ADGRE2: variants seen among roughly 807,000 people sequenced by gnomAD.
ADGRE2 encodes CD97 antigen.
Under a neutral mutation model 100.8 loss-of-function variants are expected in ADGRE2, and 83 were observed. The observed-to-expected ratio is 0.82, with a 90% CI of 0.69 to 0.99. ADGRE2 has a LOEUF of 0.99. ADGRE2 is among the 50% of genes least tolerant of loss of function. ADGRE2 has a pLI of 0.00. For synonymous variants in ADGRE2, 355 were observed against 413.0 expected, an observed-to-expected ratio of 0.86 and a Z score of 1.70; for missense variants, 814 against 1,035.7, an observed-to-expected ratio of 0.79 and a Z score of 2.94.
Position 14,746,328 on chromosome 19 carries a change from A to G in ADGRE2, c.2092-5T>C. 1.3e-6 allele frequency: 2 copies of G among 1,525,134 alleles called. No individual in the cohort carries two copies. The highest frequency in any genetic ancestry group is 1.8e-6 in the Non-Finnish European group (2 of 1,103,026). 94.5% of individuals were successfully genotyped at this position (1,525,134 alleles called of 1,614,324 possible). Reference sequence around the variant, plus strand: ...CAGAAAGAGAACTAAATTCACCTTCAGAAAACCACAGAAGATTTGTTGAAT... The same window carrying G: ...CAGAAAGAGAACTAAATTCACCTTCGGAAAACCACAGAAGATTTGTTGAAT... On this transcript the variant is annotated splice_region_variant and splice_polypyrimidine_tract_variant and intron_variant, in intron 17 of 20. Coordinates refer to ENST00000315576, the MANE Select transcript of ADGRE2 (RefSeq NM_013447.4).
chr19:14,746,471 C>T (rs922708684), intron 17 of ADGRE2, 148 bp from the exon 18 acceptor site: 8 of 593,680 alleles, frequency 1.3e-5, no homozygotes, highest in East Asian at 3.0e-5. Flanking sequence ...CTCCCGGGTT[C>T]GAGCGATTCT....
intron 2 of ADGRE2, among the ~76,000 whole-genome samples, chr19:14,775,107 G>T (rs1268694221): frequency 1.3e-5 from 2 of 151,200 alleles, no homozygotes; most frequent in Non-Finnish European, 2.9e-5. Flanking sequence ...GGTTCAAGCG[G>T]TTCTCCTGCC....
Position 14,735,007 on chromosome 19 carries a change from T to A in ADGRE2, c.*1229A>T, listed in dbSNP as rs554740226. The A allele has an allele frequency of 6.6e-6, 1 of 152,300 alleles. No individual in the cohort carries two copies. The highest frequency in any genetic ancestry group is 1.9e-4 in the East Asian group (1 of 5,186). 9.4% of individuals were successfully genotyped at this position (152,300 alleles called of 1,614,324 possible). ...AAGAGAAGGGAACTTGGAGCCGCCA[T>A]TTTGGACATGCCTAGTCTAGGTAGC... On this transcript the variant is annotated 3_prime_UTR_variant, in exon 21 of 21. Coordinates refer to ENST00000315576, the MANE Select transcript of ADGRE2 (RefSeq NM_013447.4).
intron 4 of ADGRE2, among the ~76,000 whole-genome samples, chr19:14,773,099 C>CA (rs1231448957): frequency 0.014 from 1,007 of 71,938 alleles, 17 homozygotes; most frequent in Admixed American, 0.044. Context: ...AAAAAAAAAA[C>CA]AAAAAAAAAA....
In ADGRE2 at chr19:14,776,780, G is replaced by C. The variant is rs770801424; in HGVS notation, c.-24C>G. ...ATGGTTCCAGCTGAGCTGCCGGCAG[G>C]AGCAGCAGGGGAAAGAGTGAGTGGG... On this transcript the variant is annotated 5_prime_UTR_variant, in exon 2 of 21. Transcript: ENST00000315576. 2 of 1,612,802 alleles carry C rather than the reference G, an allele frequency of 1.2e-6. No individual in the cohort carries two copies. The highest frequency in any genetic ancestry group is 1.7e-6 in the Non-Finnish European group (2 of 1,179,566).
intron 18 of ADGRE2, among the ~76,000 whole-genome samples, chr19:14,744,537 C>A (rs946549475): frequency 6.6e-6 from 1 of 151,980 alleles, no homozygotes; most frequent in African/African-American, 2.4e-5. Flanking sequence ...CTCACTGCAA[C>A]CTCTGCCTCC....
intron 16 of ADGRE2, 34 bp from the exon 17 acceptor site, chr19:14,746,996 T>G: frequency 6.4e-7 from 1 of 1,560,904 alleles, no homozygotes; most frequent in Non-Finnish European, 8.8e-7. Flanking sequence ...AATGCATCAG[T>G]TTTTGGAGAT....
At chr19:14,750,114 A>G (rs2043234651) in intron 16 of ADGRE2, among the ~76,000 whole-genome samples, 1 of 130,618 alleles carries the variant, frequency 7.7e-6, no homozygotes, top group Non-Finnish European at 1.6e-5. Flanking sequence ...ATAGTTACAT[A>G]ATTATTTATA....
chr19:14,739,926 C>A (rs1473453062), intron 20 of ADGRE2, among the ~76,000 whole-genome samples: 2 of 151,940 alleles, frequency 1.3e-5, no homozygotes, highest in African/African-American at 4.8e-5. Context: ...CATGGTGAAA[C>A]CCTGTCTCTA....
At chr19:14,760,097 C>A (rs182529398) in intron 11 of ADGRE2, among the ~76,000 whole-genome samples, 1 of 152,050 alleles carries the variant, frequency 6.6e-6, no homozygotes, top group Non-Finnish European at 1.5e-5. Flanking sequence ...GGATTACAGG[C>A]GTGAGCCACC....
At chr19:14,746,742 G>A (rs916498103) in intron 17 of ADGRE2, among the ~76,000 whole-genome samples, 154 bp downstream of exon 17, 17 of 152,178 alleles carry the variant, frequency 1.1e-4, no homozygotes, top group African/African-American at 4.1e-4. Flanking sequence ...TTGAGTAACA[G>A]TGTTGAGTTT....
the ADGRE2 span, among the ~76,000 whole-genome samples, chr19:14,725,893 G>A: frequency 6.6e-6 from 1 of 152,204 alleles, no homozygotes; most frequent in Non-Finnish European, 1.5e-5. Flanking sequence ...TCTGGGGTCT[G>A]GAGGGAGGTG....
chr19:14,729,372 G>GT (rs1000608711), downstream of ADGRE2, among the ~76,000 whole-genome samples: 2 of 148,986 alleles, frequency 1.3e-5, no homozygotes, highest in African/African-American at 2.5e-5. Context: ...TTTTTTTTTT[G>GT]TTTTTTGAGA....
chr19:14,771,916 G>C (rs1178567507), intron 5 of ADGRE2: 1 of 157,676 alleles, frequency 6.3e-6, no homozygotes, highest in East Asian at 1.6e-4. Context: ...TGGGATTACA[G>C]TGCATAATAA....
At chr19:14,759,943 C>T (rs559920040) in intron 11 of ADGRE2, among the ~76,000 whole-genome samples, 32 of 151,932 alleles carry the variant, frequency 2.1e-4, no homozygotes, top group African/African-American at 7.2e-4. Context: ...CTCAGTCTCC[C>T]GAGTAGCTGG....
chr19:14,773,080 C>CAAAAAAAAAA (rs35688921), intron 4 of ADGRE2, among the ~76,000 whole-genome samples: 7 of 45,800 alleles, frequency 1.5e-4, no homozygotes, highest in Non-Finnish European at 1.8e-4. Context: ...GACTCCATCT[C>CAAAAAAAAAA]AAAAAAAAAA....
Position 14,743,712 on chromosome 19 carries a change from C to A in ADGRE2, c.2256G>T (p.Val752=). The A allele has an allele frequency of 6.2e-7, 1 of 1,614,160 alleles. No individual in the cohort carries two copies. Among genetic ancestry groups the A allele is most frequent in the South Asian group, 1.1e-5 (1 of 91,082 alleles). The part of the protein sequence containing the change: ...GCTWCLGILQ[V]GPAARVMAYL... Reference sequence around the variant, plus strand: ...AGGCCATGACCCGGGCAGCCGGACCCACCTGCAAGATGCCCAGACACCACG... The same window carrying A: ...AGGCCATGACCCGGGCAGCCGGACCAACCTGCAAGATGCCCAGACACCACG... Residue 752 remains valine, a synonymous_variant, in exon 19 of 21, where the codon GTG becomes GTT. Coordinates refer to ENST00000315576, the MANE Select transcript of ADGRE2 (RefSeq NM_013447.4).
rs1389324289 is a variant in ADGRE2, at chr19:14,766,233, A to C, written c.634+2T>G. ...TGGGAACGTGGGATCTGAGCTCTCG[A>C]CCTTCACAGACGGTATTGTTTGGGC... On this transcript the variant is annotated splice_donor_variant, in intron 7 of 20. Coordinates refer to ENST00000315576, the MANE Select transcript of ADGRE2 (RefSeq NM_013447.4). LOFTEE classifies it high-confidence loss of function. 4 of 1,613,856 alleles carry C rather than the reference A, an allele frequency of 2.5e-6. No individual in the cohort carries two copies. In the South Asian group the frequency reaches 4.4e-5, roughly 18 times the overall value.
At chr19:14,768,324 G>C (rs1310078050) in intron 5 of ADGRE2, among the ~76,000 whole-genome samples, 1 of 152,240 alleles carries the variant, frequency 6.6e-6, no homozygotes, top group Non-Finnish European at 1.5e-5. Flanking sequence ...ATACAGCTGG[G>C]TTGCCCCAGG....
Sources: allele counts gnomAD v4.1 joint callset (sites outside exome capture counted in the v4.1 genomes callset), GRCh38; gene constraint gnomAD v4.1.1; transcripts MANE v1.5; gene names NCBI Gene and HGNC (gene_info 2026-07-23, HGNC 2026-07-21).